CHST11: variants seen among roughly 807,000 people sequenced by gnomAD.
The protein encoded by CHST11 is carbohydrate sulfotransferase 11, also known as C4S-1.
In CHST11, 9 loss-of-function variants were observed where a neutral mutation model predicts 30.4. The ratio of observed to expected loss-of-function variants is 0.30; its 90% confidence interval spans 0.18 to 0.52. The LOEUF (loss-of-function observed/expected upper bound fraction) is 0.52, where lower values mean the gene tolerates loss of function less well. CHST11 is among the 20% of genes least tolerant of loss of function. The probability of loss-of-function intolerance (pLI) is 0.97; values close to 1 mark genes in which losing one functional copy is unlikely to be tolerated. For missense variants in CHST11, 348 were observed against 460.6 expected (o/e 0.76, Z 2.24); for synonymous variants, 152 against 187.8 (o/e 0.81, Z 1.56).
intron 2 of CHST11, among the ~76,000 whole-genome samples, chr12:104,696,480 TAC>T (rs2039946250): frequency 3.6e-4 from 5 of 13,876 alleles, no homozygotes; most frequent in African/African-American, 5.4e-4. Context: ...CTGCTAAAAA[TAC>T]AAAAAAAAAA....
chr12:104,486,911 A>G (rs1302334773), intron 1 of CHST11, among the ~76,000 whole-genome samples: 2 of 152,204 alleles, frequency 1.3e-5, no homozygotes, highest in East Asian at 3.8e-4. Flanking sequence ...TAATAGTCCA[A>G]TTCAGCAATC....
intron 2 of CHST11, among the ~76,000 whole-genome samples, chr12:104,618,320 C>T (rs1333737065): frequency 2.0e-5 from 3 of 149,706 alleles, no homozygotes; most frequent in East Asian, 2.0e-4. Context: ...GCTTCCTGGG[C>T]GCAAGTGATC....
intron 1 of CHST11, among the ~76,000 whole-genome samples, chr12:104,582,468 A>G (rs1484049016): frequency 1.3e-5 from 2 of 152,108 alleles, no homozygotes; most frequent in Non-Finnish European, 2.9e-5. Context: ...CCCCTGCCCC[A>G]TCACCTTTAC....
At chr12:104,599,338 A>T (rs1003556606) in intron 1 of CHST11, among the ~76,000 whole-genome samples, 3 of 152,212 alleles carry the variant, frequency 2.0e-5, no homozygotes, top group Non-Finnish European at 4.4e-5. Context: ...CTTTTAATGG[A>T]TTCCATGGTA....
intron 2 of CHST11, among the ~76,000 whole-genome samples, chr12:104,748,320 G>T (rs925571673): frequency 6.6e-6 from 1 of 152,150 alleles, no homozygotes; most frequent in Non-Finnish European, 1.5e-5. Flanking sequence ...CTAGTCCAGC[G>T]GCATCAGCAT....
rs559773704 is a variant in CHST11 at position 104,728,122 on chromosome 12, G to T, written c.205-28827G>T. On this transcript the variant is annotated intron_variant, in intron 2 of 2. Transcript: ENST00000303694. ...CAATTTCTCATTCTCTACATCAGGAGAGTCTTCACTTCTTTCCCTTTCATG... is the reference window on the plus strand; with the variant it reads ...CAATTTCTCATTCTCTACATCAGGATAGTCTTCACTTCTTTCCCTTTCATG... Among the ~76,000 whole-genome samples the T allele has an allele frequency of 3.3e-5, 5 of 152,322 alleles. No individual in the cohort carries two copies. In the South Asian group the frequency reaches 1.0e-3, roughly 32 times the overall value.
chr12:104,664,271 T>G (rs1281722133), intron 2 of CHST11, among the ~76,000 whole-genome samples: 2 of 152,176 alleles, frequency 1.3e-5, no homozygotes, highest in African/African-American at 4.8e-5. Flanking sequence ...TCAACACAAC[T>G]CTTATGTATG....
Position 104,544,017 on chromosome 12 carries a change from G to A in CHST11, c.119-57889G>A, listed in dbSNP as rs964054630. 5.3e-5 allele frequency among the ~76,000 whole-genome samples: 8 copies of A among 151,782 alleles called. No homozygotes were observed. The East Asian group carries it at 9.7e-4, about 18-fold the overall frequency. On this transcript the variant is annotated intron_variant, in intron 1 of 2. Coordinates refer to ENST00000303694, the MANE Select transcript of CHST11 (RefSeq NM_018413.6). Reference sequence around the variant, plus strand: ...CATACACCTGTAGTCCTGGCTACTCGGGAGGCTGAGGCGGGAGGATGGCTG... The same window carrying A: ...CATACACCTGTAGTCCTGGCTACTCAGGAGGCTGAGGCGGGAGGATGGCTG...
intron 2 of CHST11, among the ~76,000 whole-genome samples, chr12:104,663,484 T>A (rs1157988109): frequency 6.6e-6 from 1 of 152,216 alleles, no homozygotes; most frequent in African/African-American, 2.4e-5. Flanking sequence ...CTTTCCAGAC[T>A]TTTTCTCTGA....
intron 1 of CHST11, among the ~76,000 whole-genome samples, chr12:104,563,285 G>T (rs2038531648): frequency 6.6e-6 from 1 of 152,166 alleles, no homozygotes; most frequent in Non-Finnish European, 1.5e-5. Context: ...TGATCCGCCT[G>T]CCTCGGCCTC....
chr12:104,604,493 A>C (rs1277010948), intron 2 of CHST11, among the ~76,000 whole-genome samples: 1 of 152,118 alleles, frequency 6.6e-6, no homozygotes, highest in Non-Finnish European at 1.5e-5. Flanking sequence ...TTTCAGAGAA[A>C]CTGTCTTGGT....
At chr12:104,512,379 T>C (rs1489225742) in intron 1 of CHST11, among the ~76,000 whole-genome samples, 2 of 152,214 alleles carry the variant, frequency 1.3e-5, no homozygotes, top group Non-Finnish European at 2.9e-5. Flanking sequence ...CAAATATTTA[T>C]TATCGAGTGC....
In CHST11 at chr12:104,571,418, C is replaced by T. The variant is rs187271285; in HGVS notation, c.119-30488C>T. Among the ~76,000 whole-genome samples, 325 of 152,310 alleles carry T rather than the reference C, an allele frequency of 2.1e-3. 1 individual carries two copies. The highest frequency in any genetic ancestry group is 3.9e-3 in the Non-Finnish European group (266 of 67,996). ...CCTCAGGTGATCCGCCCGCTTCGGC[C>T]TCCCAAAGTGCTGGGATTACAGGTC... On this transcript the variant is annotated intron_variant, in intron 1 of 2. Coordinates refer to ENST00000303694, the MANE Select transcript of CHST11 (RefSeq NM_018413.6).
chr12:104,461,384 G>A (rs2037406483), intron 1 of CHST11, among the ~76,000 whole-genome samples: 1 of 152,184 alleles, frequency 6.6e-6, no homozygotes, highest in South Asian at 2.1e-4. Flanking sequence ...TTCTACACAG[G>A]TTTGAGTTCA....
chr12:104,522,947 T>G (rs1357516053), intron 1 of CHST11, among the ~76,000 whole-genome samples: 1 of 152,204 alleles, frequency 6.6e-6, no homozygotes, highest in East Asian at 1.9e-4. Flanking sequence ...TTTTTCATGC[T>G]TGATTTGGGC....
intron 1 of CHST11, among the ~76,000 whole-genome samples, chr12:104,543,713 T>G (rs557047677): frequency 2.0e-5 from 3 of 152,250 alleles, no homozygotes; most frequent in Admixed American, 6.5e-5. Context: ...ACTGTATACT[T>G]TTTTTCACCT....
chr12:104,756,691 G>A (rs1019385303), intron 2 of CHST11, among the ~76,000 whole-genome samples: 2 of 152,072 alleles, frequency 1.3e-5, no homozygotes, highest in Non-Finnish European at 2.9e-5. Flanking sequence ...GGGATGTCAG[G>A]TGTGCGCCAC....
At position 104,590,013 on chromosome 12, in the gene CHST11, T is replaced by TTAAATAAATAAA. The variant is rs111573363; in HGVS notation, c.119-11879_119-11868dup. On this transcript the variant is annotated intron_variant, in intron 1 of 2. Coordinates refer to ENST00000303694, the MANE Select transcript of CHST11 (RefSeq NM_018413.6). ...AACAAAGCGAGACTCTGTCTCAAAA[T>TTAAATAAATAAA]TAAATAAATAAATAAATAAATAAAT... Among the ~76,000 whole-genome samples, 1,335 of 151,218 alleles carry TTAAATAAATAAA rather than the reference T, an allele frequency of 8.8e-3. 22 individuals are homozygous for TTAAATAAATAAA. The highest frequency in any genetic ancestry group is 0.027 in the African/African-American group (1,125 of 41,074).
chr12:104,593,216 C>T (rs1353010316), intron 1 of CHST11, among the ~76,000 whole-genome samples: 1 of 152,114 alleles, frequency 6.6e-6, no homozygotes, highest in Non-Finnish European at 1.5e-5. Context: ...GTAGGAGAGG[C>T]CAACACGGGA....
Sources: allele counts gnomAD v4.1 joint callset (sites outside exome capture counted in the v4.1 genomes callset), GRCh38; gene constraint gnomAD v4.1.1; transcripts MANE v1.5; gene names NCBI Gene and HGNC (gene_info 2026-07-23, HGNC 2026-07-21).